The following MALRD1 variants were observed in gnomAD, a reference collection of about 807,000 sequenced individuals.
The protein encoded by MALRD1 is MAM and LDL receptor class A domain containing 1.
In MALRD1, 247 loss-of-function variants were observed where a neutral mutation model predicts 242.1. The observed-to-expected ratio is 1.02, with a 90% CI of 0.92 to 1.13. The LOEUF is 1.13. Among genes scored for constraint, MALRD1 ranks in the 50% most tolerant of loss-of-function variants. The probability of loss-of-function intolerance (pLI) is 0.00; values close to 1 mark genes in which losing one functional copy is unlikely to be tolerated. For missense variants in MALRD1, 2,989 were observed against 2,533.1 expected, an observed-to-expected ratio of 1.18 and a Z score of -3.86; for synonymous variants, 995 against 866.6, an observed-to-expected ratio of 1.15 and a Z score of -2.60.
chr10:19,602,884 C>T (rs1838429433), intron 34 of MALRD1, among the ~76,000 whole-genome samples: 1 of 152,046 alleles, frequency 6.6e-6, no homozygotes, highest in East Asian at 1.9e-4. Context: ...TAATGATCGC[C>T]ATTCTAACTG....
chr10:19,142,171 CAA>C (rs529000033), intron 10 of MALRD1, among the ~76,000 whole-genome samples: 9 of 26,274 alleles, frequency 3.4e-4, no homozygotes, highest in East Asian at 9.1e-4. Flanking sequence ...GACTCTAACT[CAA>C]AAAAAAAAAA....
intron 26 of MALRD1, among the ~76,000 whole-genome samples, chr10:19,371,092 TAAAAAA>T (rs759092754): frequency 8.1e-6 from 1 of 123,772 alleles, no homozygotes; most frequent in Admixed American, 8.6e-5. Context: ...TCTACGAAAT[TAAAAAA>T]AAAAAAAAAA....
chr10:19,386,819 A>G (rs1284852293), intron 26 of MALRD1, among the ~76,000 whole-genome samples: 1 of 152,094 alleles, frequency 6.6e-6, no homozygotes, highest in Non-Finnish European at 1.5e-5. Flanking sequence ...ACTAAAATGT[A>G]TCAAATGTTG....
chr10:19,675,376 C>A (rs982835314), intron 36 of MALRD1, among the ~76,000 whole-genome samples: 2 of 152,136 alleles, frequency 1.3e-5, no homozygotes, highest in Admixed American at 1.3e-4. Flanking sequence ...CTTACAAAGC[C>A]ATTGCTCTCT....
chr10:19,451,835 A>G (rs181920111), intron 29 of MALRD1, among the ~76,000 whole-genome samples: 119 of 152,276 alleles, frequency 7.8e-4, no homozygotes, highest in South Asian at 1.7e-3. Flanking sequence ...GTTGTTACTC[A>G]GCTACCTTAT....
chr10:19,692,478 A>G lies in MALRD1; in HGVS notation c.6238A>G (p.Ile2080Val), dbSNP rs1230183333. The change falls in exon 38 of 40, where the codon ATT becomes GTT. Residue 2080 changes from isoleucine (I) to valine (V), a missense_variant. Physicochemically the swap from Ile to Val is conservative, Grantham distance 29. Transcript: ENST00000454679. ...TCCAGATACATGGACTCTCCTGGGT[A>G]TTGGATTAGCATTCCTGATGACTCA... ...AQNNTWTLLG[I>V]GLAFLMTHIT... 6.5e-7 allele frequency: 1 copy of G among 1,535,572 alleles called. No homozygotes were observed. The highest frequency in any genetic ancestry group is 1.4e-5 in the African/African-American group (1 of 72,940).
chr10:19,380,913 CTT>C (rs71387072), intron 26 of MALRD1, among the ~76,000 whole-genome samples: 294 of 149,024 alleles, frequency 2.0e-3, no homozygotes, highest in Admixed American at 3.7e-3. Context: ...AATTTCTTTT[CTT>C]TTTTTTTTTA....
chr10:19,539,752 T>A (rs1472343990), intron 32 of MALRD1, among the ~76,000 whole-genome samples: 1 of 151,610 alleles, frequency 6.6e-6, no homozygotes, highest in Non-Finnish European at 1.5e-5. Context: ...AGTGGTGCAG[T>A]CTCCACTCAC....
At chr10:19,114,424 G>A (rs1836797926) in intron 5 of MALRD1, among the ~76,000 whole-genome samples, 1 of 152,050 alleles carries the variant, frequency 6.6e-6, no homozygotes, top group South Asian at 2.1e-4. Context: ...ATCACTTGAG[G>A]TCAGGAGTTC....
At chr10:19,718,890 G>A (rs1286658053) in intron 38 of MALRD1, among the ~76,000 whole-genome samples, 1 of 151,786 alleles carries the variant, frequency 6.6e-6, no homozygotes, top group Non-Finnish European at 1.5e-5. Flanking sequence ...TGTTAGGCCA[G>A]GCATGGTGGC....
At chr10:19,477,551 G>A (rs981769777) in intron 29 of MALRD1, among the ~76,000 whole-genome samples, 7 of 152,152 alleles carry the variant, frequency 4.6e-5, no homozygotes, top group Non-Finnish European at 1.0e-4. Context: ...AACACCTGGG[G>A]TTCATTGTCT....
chr10:19,405,417 A>G (rs933136576), intron 28 of MALRD1, among the ~76,000 whole-genome samples: 2 of 152,078 alleles, frequency 1.3e-5, no homozygotes, highest in Admixed American at 6.6e-5. Flanking sequence ...ACTTCCAACA[A>G]TAGTTTTGGC....
At chr10:19,683,330 C>A (rs1842452620) in intron 36 of MALRD1, among the ~76,000 whole-genome samples, 1 of 152,134 alleles carries the variant, frequency 6.6e-6, no homozygotes, top group Non-Finnish European at 1.5e-5. Context: ...CGGGGAAAAG[C>A]CACAACCAGA....
intron 18 of MALRD1, among the ~76,000 whole-genome samples, chr10:19,234,283 A>C (rs1353844699): frequency 6.6e-6 from 1 of 152,116 alleles, no homozygotes; most frequent in Non-Finnish European, 1.5e-5. Context: ...AATCCCTATT[A>C]AGAAACTAAA....
chr10:19,729,829 C>T lies in MALRD1; in HGVS notation c.6315-877C>T, dbSNP rs375500711. On this transcript the variant is annotated intron_variant, in intron 38 of 39. Transcript: ENST00000454679. ...TCGGCTCACTGCAAGCTCCGCCTCC[C>T]GGGTTCACGCCATTCTCCTGCCTCA... Among the ~76,000 whole-genome samples, 888 of 142,028 alleles carry T rather than the reference C, an allele frequency of 6.3e-3. 8 individuals are homozygous for T. Among genetic ancestry groups the T allele is most frequent in the African/African-American group, 0.022 (827 of 38,324 alleles). The allele number at this position is 142,028 out of a possible 152,430, so 93.2% of individuals were successfully genotyped here.
chr10:19,529,647 A>ATTACT (rs140054838), intron 31 of MALRD1, among the ~76,000 whole-genome samples: 15,125 of 151,936 alleles, frequency 0.1, 2,176 homozygotes, highest in African/African-American at 0.32. Context: ...TATATGAATA[A>ATTACT]TTAAGTGCTA....
chr10:19,692,222 G>T, intron 36 of MALRD1, 60 bp from the exon 37 acceptor site: 1 of 1,230,676 alleles, frequency 8.1e-7, no homozygotes, highest in Non-Finnish European at 1.1e-6. Context: ...CATGCCAGTT[G>T]TGTTCAAATA....
intron 22 of MALRD1, 84 bp downstream of exon 22, chr10:19,324,189 T>A: frequency 7.6e-7 from 1 of 1,317,820 alleles, no homozygotes; most frequent in Non-Finnish European, 1.0e-6. Flanking sequence ...ATATATTCTG[T>A]TAATAAGTGA....
intron 4 of MALRD1, among the ~76,000 whole-genome samples, chr10:19,101,470 T>G (rs2131328973): frequency 7.2e-6 from 1 of 139,646 alleles, no homozygotes; most frequent in African/African-American, 2.6e-5. Flanking sequence ...TATAATATAA[T>G]TAATACTTGT....
Sources: allele counts gnomAD v4.1 joint callset (sites outside exome capture counted in the v4.1 genomes callset), GRCh38; gene constraint gnomAD v4.1.1; transcripts MANE v1.5; gene names NCBI Gene and HGNC (gene_info 2026-07-23, HGNC 2026-07-21).